Variants in ENPP2 observed in about 807,000 individuals in gnomAD.
ENPP2 encodes ectonucleotide pyrophosphatase/phosphodiesterase 2.
In ENPP2, 51 loss-of-function variants were observed where a neutral mutation model predicts 120.2. The observed-to-expected ratio is 0.42, with a 90% CI of 0.34 to 0.54. The LOEUF is 0.54. Among genes scored for constraint, ENPP2 ranks in the 20% least tolerant of loss-of-function variants. The probability of loss-of-function intolerance (pLI) is 0.04; values close to 1 mark genes in which losing one functional copy is unlikely to be tolerated. For synonymous variants in ENPP2, 365 were observed against 366.4 expected (o/e 1.00, Z 0.04); for missense variants, 920 against 1,066.5 (o/e 0.86, Z 1.91).
chr8:119,663,032 A>C (rs1486461560), intron 1 of ENPP2, among the ~76,000 whole-genome samples: 1 of 151,098 alleles, frequency 6.6e-6, no homozygotes, highest in Non-Finnish European at 1.5e-5. Flanking sequence ...CAGGAGAATC[A>C]CTTGAACCTG....
chr8:119,649,148 A>G (rs1587571120), intron 1 of ENPP2, among the ~76,000 whole-genome samples: 1 of 151,748 alleles, frequency 6.6e-6, no homozygotes, highest in African/African-American at 2.4e-5. Context: ...AATCCCAGCA[A>G]TTTGGGAGGC....
Position 119,593,839 on chromosome 8 carries a change from T to A in ENPP2, c.994A>T (p.Ile332Phe), listed in dbSNP as rs1813706579. 6.2e-7 allele frequency: 1 copy of A among 1,610,386 alleles called. No individual in the cohort carries two copies. The highest frequency in any genetic ancestry group is 1.3e-5 in the African/African-American group (1 of 74,844). Residue 332 changes from isoleucine (I) to phenylalanine (F), a missense_variant, in exon 12 of 25, where the codon ATC becomes TTC. Ile to Phe is a conservative substitution (Grantham distance 21, BLOSUM62 0). Transcript: ENST00000075322. ...ATTAATTGCCCCACAATTTTGTCGATTTCCCTCAGAGGATTTGTCATCTAG... is the reference window on the plus strand; with the variant it reads ...ATTAATTGCCCCACAATTTTGTCGAATTCCCTCAGAGGATTTGTCATCTAG... Reference protein sequence around the residue: ...GPEMTNPLREIDKIVGQLMDG... With the variant: ...GPEMTNPLREFDKIVGQLMDG...
At chr8:119,633,395 A>G (rs11778951) in intron 2 of ENPP2, among the ~76,000 whole-genome samples, 51,836 of 151,928 alleles carry the variant, frequency 0.34, 11,040 homozygotes, top group African/African-American at 0.6. Context: ...TAGCCCAGGT[A>G]TTTCCTGAAA....
chr8:119,564,988 T>C, intron 22 of ENPP2, 33 bp from the exon 23 acceptor site: 2 of 1,601,526 alleles, frequency 1.2e-6, no homozygotes, highest in Non-Finnish European at 1.7e-6. Context: ...AAATCAATTA[T>C]TCATGAAGAA....
intron 23 of ENPP2, 140 bp downstream of exon 23, chr8:119,564,683 A>AAT (rs759942943): frequency 2.7e-3 from 881 of 326,214 alleles, no homozygotes; most frequent in Non-Finnish European, 3.5e-3. Flanking sequence ...GTCTCAAAAA[A>AAT]ATATATATAT....
intron 3 of ENPP2, among the ~76,000 whole-genome samples, 185 bp downstream of exon 3, chr8:119,626,380 T>C (rs1816275699): frequency 1.3e-5 from 2 of 152,198 alleles, no homozygotes; most frequent in South Asian, 2.1e-4. Flanking sequence ...TGCTGGAACC[T>C]ATGTGGAAAC....
At chr8:119,607,303 C>G (rs1814785517) in intron 9 of ENPP2, among the ~76,000 whole-genome samples, 1 of 152,122 alleles carries the variant, frequency 6.6e-6, no homozygotes, top group Non-Finnish European at 1.5e-5. Context: ...TCCTAGATGG[C>G]AAGTTACCAA....
intron 1 of ENPP2, among the ~76,000 whole-genome samples, chr8:119,650,859 G>T (rs1480948467): frequency 1.3e-5 from 2 of 152,068 alleles, no homozygotes; most frequent in African/African-American, 4.8e-5. Context: ...CCTAGTTCTT[G>T]CGTACACATC....
At chr8:119,600,825 C>T (rs1436223436) in intron 10 of ENPP2, 75 bp from the exon 11 acceptor site, 14 of 865,740 alleles carry the variant, frequency 1.6e-5, no homozygotes, top group Middle Eastern at 2.3e-4. Context: ...TTTTAAAAAA[C>T]GCATTTAAAA....
intron 8 of ENPP2, among the ~76,000 whole-genome samples, chr8:119,612,817 G>A (rs779336943): frequency 6.6e-6 from 1 of 152,156 alleles, no homozygotes; most frequent in East Asian, 1.9e-4. Flanking sequence ...TTGAGCCCGA[G>A]AGGCTGAGAC....
chr8:119,557,787 A>C, intron 24 of ENPP2, 96 bp from the exon 25 acceptor site: 1 of 1,013,632 alleles, frequency 9.9e-7, no homozygotes, highest in Non-Finnish European at 1.4e-6. Flanking sequence ...ACCTCTGTGC[A>C]CTCTTGCACA....
rs568555047 is a variant in ENPP2 at position 119,595,287 on chromosome 8, C to T, written c.973-1427G>A. Among the ~76,000 whole-genome samples the T allele has an allele frequency of 5.3e-5, 8 of 152,280 alleles. 1 individual carries two copies. Among genetic ancestry groups the T allele is most frequent in the Middle Eastern group, 3.4e-3 (1 of 294 alleles). On this transcript the variant is annotated intron_variant, in intron 11 of 24. Transcript: ENST00000075322. Reference sequence around the variant, plus strand: ...CAAAGGTTTTAGGAAAAGCAACAACCGATAGGCTCTTCTGAACATACTGGG... The same window carrying T: ...CAAAGGTTTTAGGAAAAGCAACAACTGATAGGCTCTTCTGAACATACTGGG...
At chr8:119,628,208 T>C (rs955966310) in intron 2 of ENPP2, among the ~76,000 whole-genome samples, 1 of 152,160 alleles carries the variant, frequency 6.6e-6, no homozygotes, top group Non-Finnish European at 1.5e-5. Context: ...GTAGGGACTA[T>C]AAATAATTAA....
At chr8:119,618,643 G>A (rs954093891) in intron 5 of ENPP2, among the ~76,000 whole-genome samples, 3 of 151,652 alleles carry the variant, frequency 2.0e-5, no homozygotes, top group East Asian at 1.9e-4. Context: ...GGGTTCAAGC[G>A]ATTCTCATGC....
chr8:119,652,371 G>C (rs1404067456), intron 1 of ENPP2, among the ~76,000 whole-genome samples: 1 of 152,158 alleles, frequency 6.6e-6, no homozygotes, highest in East Asian at 1.9e-4. Context: ...ATAGCAGGAA[G>C]TCAGCAGTTT....
upstream of ENPP2, chr8:119,638,979 A>C: frequency 1.6e-6 from 1 of 628,520 alleles, no homozygotes. Context: ...GGCTTAAGCT[A>C]TCATCCCCCT....
At chr8:119,669,125 A>G (rs1181661104) in intron 1 of ENPP2, among the ~76,000 whole-genome samples, 2 of 152,222 alleles carry the variant, frequency 1.3e-5, no homozygotes, top group Non-Finnish European at 2.9e-5. Flanking sequence ...ATAGATATCA[A>G]TGATGCTGAA....
intron 13 of ENPP2, 127 bp downstream of exon 13, chr8:119,590,378 A>G: frequency 1.7e-6 from 1 of 605,988 alleles, no homozygotes. Flanking sequence ...GACTTATTTA[A>G]GGTCACTCAG....
chr8:119,601,462 A>C lies in ENPP2; in HGVS notation c.834T>G (p.Val278=). ...GVKAGTFFWS[V]VIPHERRILT... is the part of the protein sequence containing the mutation. ...ATATTCTCCGCTCGTGAGGGATGAC[A>C]CTGGAGGGTAAAAGCAAGCAAAGCA... Residue 278 remains valine (V), a splice_region_variant and synonymous_variant, in exon 10 of 25, where the codon GTT becomes GTG. Coordinates refer to ENST00000075322, the MANE Select transcript of ENPP2 (RefSeq NM_001040092.3). 1 of 1,612,502 alleles carries C rather than the reference A, an allele frequency of 6.2e-7. No individual in the cohort carries two copies. The highest frequency in any genetic ancestry group is 8.5e-7 in the Non-Finnish European group (1 of 1,178,560).
Sources: gnomAD v4.1 joint callset for allele counts (sites outside exome capture counted in the v4.1 genomes callset) on GRCh38, gnomAD v4.1.1 for gene constraint, MANE v1.5 for transcripts, NCBI Gene and HGNC (gene_info 2026-07-23, HGNC 2026-07-21) for gene names.